SCFD1: variants seen among roughly 807,000 people sequenced by gnomAD.
The protein encoded by SCFD1 is sec1 family domain containing 1.
A neutral mutation model predicts 103.2 loss-of-function variants in SCFD1; 37 were observed. The observed-to-expected ratio is 0.36, with a 90% CI of 0.28 to 0.47. The LOEUF is 0.47. Among genes scored for constraint, SCFD1 ranks in the 20% least tolerant of loss-of-function variants. SCFD1 has a pLI of 1.00. For missense variants in SCFD1, 639 were observed against 761.2 expected (o/e 0.84, Z 1.89); for synonymous variants, 264 against 245.0 (o/e 1.08, Z -0.73).
intron 7 of SCFD1, among the ~76,000 whole-genome samples, chr14:30,644,449 A>T (rs180921442): frequency 1.3e-5 from 2 of 152,318 alleles, no homozygotes; most frequent in Admixed American, 1.3e-4. Flanking sequence ...TGGCTGAACT[A>T]ATTTACATTC....
chr14:30,723,862 C>T (rs1275804477), intron 23 of SCFD1, among the ~76,000 whole-genome samples: 5 of 151,916 alleles, frequency 3.3e-5, no homozygotes, highest in Non-Finnish European at 7.4e-5. Context: ...GTGAACATAC[C>T]TGTGCATGCA....
chr14:30,707,225 A>G (rs991209517), intron 18 of SCFD1, among the ~76,000 whole-genome samples: 4 of 152,222 alleles, frequency 2.6e-5, no homozygotes, highest in African/African-American at 9.6e-5. Flanking sequence ...CTCTTGGGTG[A>G]TCTGAAAGCT....
chr14:30,729,773 G>A (rs1156892799), intron 23 of SCFD1, among the ~76,000 whole-genome samples: 4 of 152,074 alleles, frequency 2.6e-5, no homozygotes. Context: ...AAGGCTTCTG[G>A]TCCATGAATA....
intron 16 of SCFD1, among the ~76,000 whole-genome samples, chr14:30,701,708 G>T (rs11847861): frequency 0.028 from 4,193 of 151,950 alleles, 82 homozygotes; most frequent in African/African-American, 0.053. Flanking sequence ...TTTACTTTTG[G>T]TAAGGATTAT....
At chr14:30,731,175 A>G (rs912323378) in intron 23 of SCFD1, among the ~76,000 whole-genome samples, 8 of 152,094 alleles carry the variant, frequency 5.3e-5, no homozygotes, top group Admixed American at 2.6e-4. Flanking sequence ...GTGTGGTATT[A>G]TATCTGAGGG....
At chr14:30,676,865 A>T (rs578231020) in intron 14 of SCFD1, among the ~76,000 whole-genome samples, 217 of 152,306 alleles carry the variant, frequency 1.4e-3, no homozygotes, top group Non-Finnish European at 2.4e-3. Flanking sequence ...TGTAGGTGAA[A>T]AATGATTTAT....
intron 14 of SCFD1, among the ~76,000 whole-genome samples, chr14:30,684,751 T>A (rs955682680): frequency 6.8e-6 from 1 of 147,810 alleles, no homozygotes; most frequent in African/African-American, 2.5e-5. Context: ...TTTTTTTACT[T>A]TTTAAAATAT....
chr14:30,654,866 G>T (rs1486792476), intron 10 of SCFD1, among the ~76,000 whole-genome samples: 1 of 152,138 alleles, frequency 6.6e-6, no homozygotes, highest in Non-Finnish European at 1.5e-5. Flanking sequence ...TAATTCAGTA[G>T]ACAGGGCAAG....
Position 30,639,883 on chromosome 14 carries a change from G to C in SCFD1, c.523+19G>C. 1 of 1,567,400 alleles carries C rather than the reference G, an allele frequency of 6.4e-7. No individual in the cohort carries two copies. The highest frequency in any genetic ancestry group is 8.6e-7 in the Non-Finnish European group (1 of 1,158,024). On this transcript the variant is annotated intron_variant, in intron 6 of 24. Transcript: ENST00000458591. Reference sequence around the variant, plus strand: ...TATCGTGGTATGTAAAAATAGAAATGTTGCAATTCTTTGTTAACAAAATGA... The same window carrying C: ...TATCGTGGTATGTAAAAATAGAAATCTTGCAATTCTTTGTTAACAAAATGA...
intron 14 of SCFD1, among the ~76,000 whole-genome samples, chr14:30,684,803 CTTTTTT>C (rs780577178): frequency 3.6e-5 from 2 of 54,870 alleles, no homozygotes; most frequent in Admixed American, 4.4e-4. Context: ...GCAATTGTTT[CTTTTTT>C]TTTTTTTTTT....
chr14:30,714,067 G>C (rs1379844322), intron 19 of SCFD1, among the ~76,000 whole-genome samples: 1 of 152,012 alleles, frequency 6.6e-6, no homozygotes, highest in African/African-American at 2.4e-5. Context: ...TAAAATTTTG[G>C]CCGGGCGCGG....
intron 8 of SCFD1, 144 bp from the exon 9 acceptor site, chr14:30,650,421 G>T: frequency 1.6e-6 from 1 of 624,606 alleles, no homozygotes. Flanking sequence ...GTGGTAAGAC[G>T]GAGCTAAAAT....
intron 10 of SCFD1, chr14:30,658,116 G>A (rs761236612): frequency 4.4e-6 from 2 of 454,846 alleles, no homozygotes; most frequent in South Asian, 3.1e-5. Flanking sequence ...CTGCAGAGCT[G>A]TGGACTTCAG....
At chr14:30,721,142 A>C (rs557438251) in intron 21 of SCFD1, among the ~76,000 whole-genome samples, 1 of 152,254 alleles carries the variant, frequency 6.6e-6, no homozygotes, top group East Asian at 1.9e-4. Flanking sequence ...TCTTCTGTGG[A>C]ATATTCAGAC....
intron 20 of SCFD1, among the ~76,000 whole-genome samples, chr14:30,718,376 G>C (rs1365974841): frequency 6.6e-6 from 1 of 152,214 alleles, no homozygotes; most frequent in Non-Finnish European, 1.5e-5. Context: ...AAAGTTCATT[G>C]ATCAGTTCCC....
At chr14:30,703,947 ATATATATATATATATAAAT>A (rs1891275016) in intron 17 of SCFD1, among the ~76,000 whole-genome samples, 19 of 61,346 alleles carry the variant, frequency 3.1e-4, no homozygotes, top group African/African-American at 7.1e-4. Flanking sequence ...ATATATATAT[ATATATATATATATATAAAT>A]AATGAGATAT....
intron 15 of SCFD1, among the ~76,000 whole-genome samples, chr14:30,697,564 G>A (rs369638917): frequency 1.6e-4 from 25 of 152,150 alleles, no homozygotes; most frequent in African/African-American, 6.0e-4. Context: ...AGTGAACGTC[G>A]TCAGTAGAGA....
Position 30,710,010 on chromosome 14 carries a change from T to C in SCFD1, c.1629+1945T>C, listed in dbSNP as rs534688521. 4.6e-5 allele frequency among the ~76,000 whole-genome samples: 7 copies of C among 152,338 alleles called. No individual in the cohort carries two copies. In the East Asian group the frequency reaches 5.8e-4, roughly 13 times the overall value. On this transcript the variant is annotated intron_variant, in intron 19 of 24. Coordinates refer to ENST00000458591, the MANE Select transcript of SCFD1 (RefSeq NM_016106.4). The stretch of plus-strand genomic sequence containing the variant: ...TTTAGAAATTACAGACTTTAACCTT[T>C]AGAATAATCATGGTTTGTTTTGTTT...
intron 3 of SCFD1, among the ~76,000 whole-genome samples, chr14:30,632,952 T>C (rs970524697): frequency 6.6e-6 from 1 of 152,210 alleles, no homozygotes; most frequent in Non-Finnish European, 1.5e-5. Flanking sequence ...ATTACACAGC[T>C]ACCATGGTGA....
Sources: gnomAD v4.1 joint callset for allele counts (sites outside exome capture counted in the v4.1 genomes callset) on GRCh38, gnomAD v4.1.1 for gene constraint, MANE v1.5 for transcripts, NCBI Gene and HGNC (gene_info 2026-07-23, HGNC 2026-07-21) for gene names.